The following SLC9A9 variants were observed in gnomAD, a reference collection of about 807,000 sequenced individuals.
The protein encoded by SLC9A9 is solute carrier family 9 member A9.
A neutral mutation model predicts 77.8 loss-of-function variants in SLC9A9; 62 were observed. That is an observed-to-expected ratio of 0.80 (90% confidence interval 0.65 to 0.98). SLC9A9 has a LOEUF of 0.98. SLC9A9 is among the 50% of genes least tolerant of loss of function. SLC9A9 has a pLI of 0.00. For synonymous variants in SLC9A9, 320 were observed against 283.5 expected (o/e 1.13, Z -1.29); for missense variants, 775 against 774.9 (o/e 1.00, Z 0.00).
chr3:143,720,809 G>A (rs1363180153), intron 4 of SLC9A9, among the ~76,000 whole-genome samples: 3 of 145,788 alleles, frequency 2.1e-5, no homozygotes, highest in Admixed American at 6.7e-5. Flanking sequence ...CATTCAAATC[G>A]CTTTTCTGGG....
intron 12 of SLC9A9, among the ~76,000 whole-genome samples, chr3:143,403,014 T>C (rs1252873167): frequency 6.6e-6 from 1 of 151,680 alleles, no homozygotes; most frequent in Admixed American, 6.6e-5. Context: ...TCCAGTAAGA[T>C]GTAGAACATT....
At position 143,595,603 on chromosome 3, in the gene SLC9A9, G is replaced by T. The variant is rs531258955; in HGVS notation, c.756-16880C>A. Among the ~76,000 whole-genome samples, 5 of 152,288 alleles carry T rather than the reference G, an allele frequency of 3.3e-5. No homozygotes were observed. In the South Asian group the frequency reaches 8.3e-4, roughly 25 times the overall value. ...CAATGCTATGAAAAAACTGATTAGG[G>T]TGATGTAGGTGAAGTATAGAAATGA... On this transcript the variant is annotated intron_variant, in intron 6 of 15. Transcript: ENST00000316549.
intron 12 of SLC9A9, among the ~76,000 whole-genome samples, chr3:143,408,182 T>G (rs2034020699): frequency 6.6e-6 from 1 of 152,228 alleles, no homozygotes. Flanking sequence ...ATCTTTATAG[T>G]TACATTGGGC....
chr3:143,723,093 T>A (rs1428824226), intron 4 of SLC9A9, among the ~76,000 whole-genome samples: 1 of 152,174 alleles, frequency 6.6e-6, no homozygotes, highest in African/African-American at 2.4e-5. Context: ...ACAGGCTGAT[T>A]TAGTTCTGGT....
At chr3:143,559,132 C>T (rs2037039373) in intron 8 of SLC9A9, among the ~76,000 whole-genome samples, 1 of 152,190 alleles carries the variant, frequency 6.6e-6, no homozygotes. Flanking sequence ...TTCCTGAGGC[C>T]TCCCCAGCCA....
At chr3:143,532,193 T>C (rs151086218) in intron 9 of SLC9A9, among the ~76,000 whole-genome samples, 22 of 152,328 alleles carry the variant, frequency 1.4e-4, no homozygotes, top group African/African-American at 4.8e-4. Flanking sequence ...CTGCTAGATG[T>C]TTAACAACTG....
intron 14 of SLC9A9, among the ~76,000 whole-genome samples, chr3:143,362,459 T>G (rs954262663): frequency 2.0e-5 from 3 of 152,212 alleles, no homozygotes; most frequent in African/African-American, 7.2e-5. Context: ...TTTTGCTTTC[T>G]ATTTTCCAGT....
rs191962550 is a variant in SLC9A9 at position 143,538,926 on chromosome 3, C to T, written c.1089+13436G>A. On this transcript the variant is annotated intron_variant, in intron 9 of 15. Transcript: ENST00000316549. ...GTTAGACATTCTTTCCTAACAGAAG[C>T]ATTCCTTTATTTTTCAACAGGGATC... Among the ~76,000 whole-genome samples, 369 of 152,312 alleles carry T rather than the reference C, an allele frequency of 2.4e-3. 1 individual carries two copies. The highest frequency in any genetic ancestry group is 0.014 in the Middle Eastern group (4 of 294).
intron 2 of SLC9A9, among the ~76,000 whole-genome samples, chr3:143,824,624 C>T (rs2009252848): frequency 6.6e-6 from 1 of 152,186 alleles, no homozygotes; most frequent in Non-Finnish European, 1.5e-5. Flanking sequence ...ACAAGGACTT[C>T]GTTTTGTTCA....
intron 2 of SLC9A9, among the ~76,000 whole-genome samples, chr3:143,820,031 A>G (rs2009126055): frequency 6.6e-6 from 1 of 152,252 alleles, no homozygotes; most frequent in South Asian, 2.1e-4. Context: ...AATAGCAAGT[A>G]ACACTTAATA....
chr3:143,394,410 T>C (rs1317293694), intron 12 of SLC9A9, among the ~76,000 whole-genome samples: 1 of 152,198 alleles, frequency 6.6e-6, no homozygotes, highest in Non-Finnish European at 1.5e-5. Context: ...CAACTCTTCA[T>C]GCTAAAAACT....
chr3:143,612,697 A>G (rs2038042584), intron 6 of SLC9A9, among the ~76,000 whole-genome samples: 1 of 152,234 alleles, frequency 6.6e-6, no homozygotes, highest in East Asian at 1.9e-4. Flanking sequence ...CAGGTATGGG[A>G]ATTCCCAGTT....
intron 6 of SLC9A9, among the ~76,000 whole-genome samples, chr3:143,635,871 T>C (rs950374020): frequency 6.6e-6 from 1 of 152,234 alleles, no homozygotes; most frequent in Non-Finnish European, 1.5e-5. Context: ...ACTTAAATAT[T>C]TCATAGTTTA....
chr3:143,809,144 A>G (rs772152210), intron 2 of SLC9A9, among the ~76,000 whole-genome samples: 21 of 152,238 alleles, frequency 1.4e-4, no homozygotes, highest in Non-Finnish European at 2.5e-4. Context: ...GGGATGAAGC[A>G]GTGCAGCTGT....
Position 143,265,737 on chromosome 3 carries a change from C to T in SLC9A9, c.*965G>A. On this transcript the variant is annotated 3_prime_UTR_variant, in exon 16 of 16. Coordinates refer to ENST00000316549, the MANE Select transcript of SLC9A9 (RefSeq NM_173653.4). Reference sequence around the variant, plus strand: ...GTCCTTGGCTCCTCAGTGTAACCCACACATCATTGGCTCTGTTCCTCTCGC... The same window carrying T: ...GTCCTTGGCTCCTCAGTGTAACCCATACATCATTGGCTCTGTTCCTCTCGC... The T allele has an allele frequency of 2.2e-6, 1 of 457,160 alleles. No homozygotes were observed. The highest frequency in any genetic ancestry group is 6.0e-5 in the South Asian group (1 of 16,674). The allele number at this position is 457,160 out of a possible 1,614,324, so 28.3% of individuals were successfully genotyped here.
chr3:143,635,761 A>G (rs1447202295), intron 6 of SLC9A9, among the ~76,000 whole-genome samples: 1 of 152,182 alleles, frequency 6.6e-6, no homozygotes. Flanking sequence ...TGCTCCTTTC[A>G]GTAGTATGAT....
chr3:143,319,630 G>A (rs1032342828), intron 14 of SLC9A9, among the ~76,000 whole-genome samples: 2 of 152,186 alleles, frequency 1.3e-5, no homozygotes, highest in East Asian at 3.8e-4. Flanking sequence ...TTAGCAAAGA[G>A]GCTGCAACTC....
At chr3:143,714,113 T>G (rs1004957033) in intron 4 of SLC9A9, among the ~76,000 whole-genome samples, 5 of 152,290 alleles carry the variant, frequency 3.3e-5, no homozygotes, top group Middle Eastern at 3.4e-3. Context: ...GAAGGTGGCA[T>G]TTGCAAAACT....
intron 6 of SLC9A9, among the ~76,000 whole-genome samples, chr3:143,644,220 A>G (rs966601068): frequency 5.9e-5 from 9 of 152,234 alleles, no homozygotes; most frequent in Non-Finnish European, 1.2e-4. Flanking sequence ...TTGGGTTTCT[A>G]TCACTTTCAT....
Sources: allele counts gnomAD v4.1 joint callset (sites outside exome capture counted in the v4.1 genomes callset), GRCh38; gene constraint gnomAD v4.1.1; transcripts MANE v1.5; gene names NCBI Gene and HGNC (gene_info 2026-07-23, HGNC 2026-07-21).